Variants in PMF1 observed in about 807,000 individuals in gnomAD.
PMF1 encodes the protein polyamine-modulated factor 1.
In PMF1, 21 loss-of-function variants were observed where a neutral mutation model predicts 26.7. That is an observed-to-expected ratio of 0.79 (90% confidence interval 0.56 to 1.13). PMF1 has a LOEUF of 1.13. PMF1 is among the 50% of genes most tolerant of loss of function. The pLI is 0.00. For missense variants in PMF1, 266 were observed against 254.9 expected (o/e 1.04, Z -0.30); for synonymous variants, 105 against 101.0 (o/e 1.04, Z -0.24).
intron 1 of PMF1, among the ~76,000 whole-genome samples, chr1:156,217,794 T>TA (rs1657859709): frequency 6.6e-6 from 1 of 152,222 alleles, no homozygotes; most frequent in Non-Finnish European, 1.5e-5. Context: ...CATAGCTTCT[T>TA]AGTGCTGCCT....
chr1:156,229,354 G>A (rs772875434), intron 1 of PMF1, among the ~76,000 whole-genome samples: 6 of 151,648 alleles, frequency 4.0e-5, no homozygotes, highest in Non-Finnish European at 7.4e-5. Context: ...AGAGAGCCCC[G>A]GTTTGCAGTG....
rs1247898872 is a variant in PMF1, at chr1:156,218,890, CT to C, written c.161+5718del. 2.6e-5 allele frequency among the ~76,000 whole-genome samples: 4 copies of C among 151,106 alleles called. No homozygotes were observed. In the South Asian group the frequency reaches 8.4e-4, roughly 32 times the overall value. On this transcript the variant is annotated intron_variant, in intron 1 of 4. Coordinates refer to ENST00000368277, the MANE Select transcript of PMF1 (RefSeq NM_007221.4). ...ATTTTTTTTCACCTTATGATTTGTG[CT>C]TTTGGGGTCTTGTTTATTTTTTTAT...
chr1:156,216,917 G>A (rs1657783436), intron 1 of PMF1, among the ~76,000 whole-genome samples: 2 of 152,092 alleles, frequency 1.3e-5, no homozygotes, highest in African/African-American at 2.4e-5. Context: ...AAAATGATGA[G>A]TTAATGTCCT....
intron 4 of PMF1, among the ~76,000 whole-genome samples, chr1:156,237,928 C>T (rs938278595): frequency 7.3e-5 from 11 of 151,612 alleles, no homozygotes; most frequent in African/African-American, 2.7e-4. Context: ...GCTGTGACGC[C>T]TGGTTAATTT....
At chr1:156,237,727 T>C (rs1466462449) in intron 4 of PMF1, among the ~76,000 whole-genome samples, 1 of 151,126 alleles carries the variant, frequency 6.6e-6, no homozygotes, top group Admixed American at 6.6e-5. Context: ...GATTACAGAC[T>C]TGAGCCACCA....
At chr1:156,213,321 T>A in intron 1 of PMF1, 145 bp downstream of exon 1, 4 of 1,273,396 alleles carry the variant, frequency 3.1e-6, no homozygotes, top group Non-Finnish European at 4.3e-6. Flanking sequence ...AGTCAAATCC[T>A]GAGCCTTAGG....
rs559903970 is a variant in PMF1 at position 156,239,931 on chromosome 1, G to A, written c.*330G>A. 4.7e-5 allele frequency: 15 copies of A among 317,700 alleles called. No homozygotes were observed. Among genetic ancestry groups the A allele is most frequent in the African/African-American group, 3.0e-4 (14 of 47,058 alleles). The allele number at this position is 317,700 out of a possible 1,614,324, so 19.7% of individuals were successfully genotyped here. A position where few individuals can be genotyped will look rare whatever the true frequency, so the allele number is the denominator to read the frequency against. On this transcript the variant is annotated 3_prime_UTR_variant, in exon 5 of 5. Transcript: ENST00000368277. ...TCCCCAGCCCTTTTCCCTGGCCCTGGCTTGGAGAATCTGTTTTCAATCTCC... is the reference window on the plus strand; with the variant it reads ...TCCCCAGCCCTTTTCCCTGGCCCTGACTTGGAGAATCTGTTTTCAATCTCC...
At position 156,239,894 on chromosome 1, in the gene PMF1, C is replaced by A. The variant is rs111548534; in HGVS notation, c.*293C>A. On this transcript the variant is annotated 3_prime_UTR_variant, in exon 5 of 5. Coordinates refer to ENST00000368277, the MANE Select transcript of PMF1 (RefSeq NM_007221.4). Reference sequence around the variant, plus strand: ...CAGGTCAGCTCTGCCCCTCCGCCCCCCTCCTGCTGGTTCCCCAGCCCTTTT... The same window carrying A: ...CAGGTCAGCTCTGCCCCTCCGCCCCACTCCTGCTGGTTCCCCAGCCCTTTT... 3.6e-5 allele frequency: 14 copies of A among 384,968 alleles called. No individual in the cohort carries two copies. The highest frequency in any genetic ancestry group is 1.3e-4 in the Admixed American group (3 of 22,686). The allele number at this position is 384,968 out of a possible 1,614,324, so 23.8% of individuals were successfully genotyped here.
chr1:156,225,807 G>C, intron 1 of PMF1: 1 of 443,874 alleles, frequency 2.3e-6, no homozygotes, highest in Non-Finnish European at 4.2e-6. Flanking sequence ...ACCAGAGCCT[G>C]ATTCTGTGCT....
chr1:156,214,141 C>T (rs1657553589), intron 1 of PMF1, among the ~76,000 whole-genome samples: 1 of 152,056 alleles, frequency 6.6e-6, no homozygotes, highest in Non-Finnish European at 1.5e-5. Flanking sequence ...GTCTGGAACT[C>T]CTGACCTCGT....
rs1329446346 is a variant in PMF1, at chr1:156,215,861, G to A, written c.161+2685G>A. ...GCACCACCATGCCCAGCTAATTTTCGTATTTTTAGTAGAGATGGGGTTTTG... is the reference window on the plus strand; with the variant it reads ...GCACCACCATGCCCAGCTAATTTTCATATTTTTAGTAGAGATGGGGTTTTG... On this transcript the variant is annotated intron_variant, in intron 1 of 4. Transcript: ENST00000368277. 5.3e-5 allele frequency among the ~76,000 whole-genome samples: 8 copies of A among 152,056 alleles called. No homozygotes were observed. The East Asian group carries it at 1.5e-3, about 29-fold the overall frequency.
At chr1:156,229,070 A>G (rs56409891) in intron 1 of PMF1, among the ~76,000 whole-genome samples, 9,816 of 151,846 alleles carry the variant, frequency 0.065, 1,085 homozygotes, top group African/African-American at 0.23. Flanking sequence ...CACCACGCCC[A>G]GCTAATTTTT....
intron 1 of PMF1, among the ~76,000 whole-genome samples, chr1:156,228,568 A>G (rs1416942365): frequency 6.6e-6 from 1 of 152,134 alleles, no homozygotes; most frequent in Non-Finnish European, 1.5e-5. Flanking sequence ...AACAGGTCAC[A>G]GCCAGCGCTG....
chr1:156,233,780 G>GA, intron 3 of PMF1, 52 bp downstream of exon 3: 1 of 1,428,584 alleles, frequency 7.0e-7, no homozygotes, highest in Non-Finnish European at 9.5e-7. Flanking sequence ...CAGCAATTAA[G>GA]CTTTTTTTTT....
In PMF1 at chr1:156,234,505, GT is replaced by G. The variant is rs201473567; in HGVS notation, c.368+787del. ...GAGCACCTACTATATGATCGATATT[GT>G]TTTTTTTTTCTATTTTTTTTAAGAC... On this transcript the variant is annotated intron_variant, in intron 3 of 4. Coordinates refer to ENST00000368277, the MANE Select transcript of PMF1 (RefSeq NM_007221.4). 3.3e-4 allele frequency among the ~76,000 whole-genome samples: 49 copies of G among 146,456 alleles called. No homozygotes were observed. In the East Asian group the frequency reaches 4.8e-3, roughly 14 times the overall value.
chr1:156,229,675 A>G (rs923605344), intron 1 of PMF1, among the ~76,000 whole-genome samples: 1 of 151,814 alleles, frequency 6.6e-6, no homozygotes, highest in Non-Finnish European at 1.5e-5. Context: ...GGTTCAAGCA[A>G]TTCTCCTGCC....
chr1:156,217,241 A>G (rs1490631620), intron 1 of PMF1, among the ~76,000 whole-genome samples: 2 of 121,914 alleles, frequency 1.6e-5, no homozygotes, highest in Admixed American at 7.7e-5. Flanking sequence ...AATAAAAAAA[A>G]AAAAGAAAAA....
intron 2 of PMF1, among the ~76,000 whole-genome samples, chr1:156,232,885 G>A (rs990744944): frequency 1.3e-5 from 2 of 149,956 alleles, no homozygotes; most frequent in Admixed American, 6.6e-5. Flanking sequence ...ACTTTAGGCC[G>A]GTACAGTGGC....
intron 1 of PMF1, among the ~76,000 whole-genome samples, chr1:156,220,460 C>T (rs537815706): frequency 2.9e-4 from 44 of 152,048 alleles, no homozygotes; most frequent in Non-Finnish European, 5.9e-4. Flanking sequence ...GTGATCCTCC[C>T]GCCTCAGCCT....
Sources: allele counts gnomAD v4.1 joint callset (sites outside exome capture counted in the v4.1 genomes callset), GRCh38; gene constraint gnomAD v4.1.1; transcripts MANE v1.5; gene names NCBI Gene and HGNC (gene_info 2026-07-23, HGNC 2026-07-21).